GLRA1: variants seen among roughly 807,000 people sequenced by gnomAD.
The protein encoded by GLRA1 is glycine receptor alpha 1, also known as glycine receptor subunit alpha-1.
Under a neutral mutation model 48.3 loss-of-function variants are expected in GLRA1, and 37 were observed. The ratio of observed to expected loss-of-function variants is 0.77; its 90% CI spans 0.59 to 1.01. The LOEUF is 1.01. GLRA1 is among the 50% of genes least tolerant of loss of function. GLRA1 has a pLI of 0.00. For missense variants in GLRA1, 427 were observed against 571.0 expected, an observed-to-expected ratio of 0.75 and a Z score of 2.57; for synonymous variants, 196 against 210.7, an observed-to-expected ratio of 0.93 and a Z score of 0.60.
intron 3 of GLRA1, among the ~76,000 whole-genome samples, chr5:151,885,301 A>G (rs1753870999): frequency 6.6e-6 from 1 of 152,248 alleles, no homozygotes; most frequent in Non-Finnish European, 1.5e-5. Flanking sequence ...GGGTTCCCAC[A>G]GGAAATGAAA....
Position 151,924,827 on chromosome 5 carries a change from G to C in GLRA1, c.-278C>G. On this transcript the variant is annotated 5_prime_UTR_variant, in exon 1 of 9. Transcript: ENST00000274576. ...GTATTGCTGTTTGTTAAACTCCAGC[G>C]TGTCTGTTGGCTCCCTGCGGCGCTG... The C allele has an allele frequency of 1.8e-6, 1 of 545,664 alleles. No homozygotes were observed. The allele number at this position is 545,664 out of a possible 1,614,324, so 33.8% of individuals were successfully genotyped here.
intron 8 of GLRA1, among the ~76,000 whole-genome samples, chr5:151,823,684 T>C (rs1300119666): frequency 3.9e-5 from 6 of 152,200 alleles, no homozygotes; most frequent in Admixed American, 6.5e-5. Context: ...CCCTTCATCA[T>C]TTGGCTCCAA....
intron 8 of GLRA1, among the ~76,000 whole-genome samples, chr5:151,825,851 T>C (rs564394386): frequency 6.6e-6 from 1 of 152,338 alleles, no homozygotes; most frequent in East Asian, 1.9e-4. Context: ...ACTCACCATC[T>C]GGGACTTAAA....
chr5:151,892,729 G>C (rs1754110940), intron 1 of GLRA1, among the ~76,000 whole-genome samples: 1 of 152,164 alleles, frequency 6.6e-6, no homozygotes, highest in African/African-American at 2.4e-5. Context: ...TTGGCAGCTG[G>C]GTGTCCCTGG....
chr5:151,920,779 C>G (rs756172430), intron 1 of GLRA1, among the ~76,000 whole-genome samples: 11 of 152,128 alleles, frequency 7.2e-5, no homozygotes, highest in Admixed American at 6.5e-5. Context: ...CTCCTAGGCA[C>G]GTTCTGCAGT....
intron 1 of GLRA1, among the ~76,000 whole-genome samples, chr5:151,893,335 T>TCTTC (rs1754143162): frequency 1.3e-5 from 2 of 150,496 alleles, no homozygotes; most frequent in South Asian, 2.1e-4. Context: ...TTTCTTTCTT[T>TCTTC]CTTTCTTTCT....
intron 8 of GLRA1, among the ~76,000 whole-genome samples, chr5:151,828,021 G>A (rs950666732): frequency 3.3e-5 from 5 of 152,058 alleles, no homozygotes; most frequent in Non-Finnish European, 5.9e-5. Context: ...AACCAAACAC[G>A]GTCTCTGCCT....
chr5:151,842,344 CA>C (rs57227549), intron 7 of GLRA1, among the ~76,000 whole-genome samples: 197 of 139,940 alleles, frequency 1.4e-3, no homozygotes, highest in African/African-American at 2.6e-3. Context: ...TGAATACAGA[CA>C]AAAAAAAAAA....
intron 4 of GLRA1, among the ~76,000 whole-genome samples, chr5:151,859,192 A>G (rs907483210): frequency 1.3e-5 from 2 of 152,178 alleles, no homozygotes; most frequent in African/African-American, 4.8e-5. Flanking sequence ...GACATTGGTC[A>G]TTTTCCTTAT....
chr5:151,908,769 A>G (rs936503033), intron 1 of GLRA1, among the ~76,000 whole-genome samples: 3 of 152,212 alleles, frequency 2.0e-5, no homozygotes, highest in Non-Finnish European at 4.4e-5. Flanking sequence ...TGGGTAGAAG[A>G]ACTGAAAGGG....
Position 151,834,809 on chromosome 5 carries a change from T to G in GLRA1, c.913-5742A>C, listed in dbSNP as rs191833750. On this transcript the variant is annotated intron_variant, in intron 7 of 8. Transcript: ENST00000274576. ...TTGGGAGGCCAAGGTGGGTGGATCA[T>G]GAGGTCAAGAGATCAAGACCATCCT... 5.6e-3 allele frequency among the ~76,000 whole-genome samples: 848 copies of G among 151,672 alleles called. 12 individuals are homozygous for G. The highest frequency in any genetic ancestry group is 0.02 in the African/African-American group (819 of 41,310).
intron 1 of GLRA1, among the ~76,000 whole-genome samples, chr5:151,905,656 C>G (rs1255267297): frequency 6.6e-6 from 1 of 152,068 alleles, no homozygotes; most frequent in Non-Finnish European, 1.5e-5. Flanking sequence ...CCTTCCAACC[C>G]CCCAGGACCA....
At position 151,836,976 on chromosome 5, in the gene GLRA1, A is replaced by AAAC. The variant is rs549781077; in HGVS notation, c.913-7912_913-7910dup. ...TTAAACTAAAGAGCTTCTGCACAGC[A>AAAC]AACAACAACAACAACAACAAAAAAC... On this transcript the variant is annotated intron_variant, in intron 7 of 8. Transcript: ENST00000274576. Among the ~76,000 whole-genome samples the AAAC allele has an allele frequency of 8.7e-3, 1,320 of 152,206 alleles. 15 individuals are homozygous for AAAC. The highest frequency in any genetic ancestry group is 0.03 in the African/African-American group (1,261 of 41,550).
chr5:151,906,732 A>G (rs1754481375), intron 1 of GLRA1, among the ~76,000 whole-genome samples: 1 of 152,212 alleles, frequency 6.6e-6, no homozygotes, highest in South Asian at 2.1e-4. Flanking sequence ...TATCTATTGT[A>G]CAGATGAAGT....
chr5:151,853,444 CAG>C (rs1752959598), intron 6 of GLRA1, among the ~76,000 whole-genome samples: 1 of 147,948 alleles, frequency 6.8e-6, no homozygotes. Context: ...TCAGTAGAGA[CAG>C]GGTTTCACCA....
chr5:151,831,827 C>T lies in GLRA1; in HGVS notation c.913-2760G>A, dbSNP rs1180974267. Among the ~76,000 whole-genome samples the T allele has an allele frequency of 2.0e-5, 3 of 152,308 alleles. No homozygotes were observed. In the East Asian group the frequency reaches 5.8e-4, roughly 29 times the overall value. On this transcript the variant is annotated intron_variant, in intron 7 of 8. Transcript: ENST00000274576. ...AAGGGACAGACTGCCTCAAGTGGGTCCCTGACCCCTGTGCCTCCTGATGGA... is the reference window on the plus strand; with the variant it reads ...AAGGGACAGACTGCCTCAAGTGGGTTCCTGACCCCTGTGCCTCCTGATGGA...
At chr5:151,879,974 A>G (rs4331885) in intron 3 of GLRA1, among the ~76,000 whole-genome samples, 96,126 of 151,924 alleles carry the variant, frequency 0.63, 30,739 homozygotes, top group African/African-American at 0.71. Context: ...TAAGTCTCAC[A>G]AGATCTGATG....
chr5:151,834,318 AAC>A (rs1763510335), intron 7 of GLRA1, among the ~76,000 whole-genome samples: 1 of 152,228 alleles, frequency 6.6e-6, no homozygotes, highest in Admixed American at 6.5e-5. Flanking sequence ...AGGATTAAGA[AAC>A]TCACTCAAAA....
rs372914719 is a variant in GLRA1, at chr5:151,908,435, T to C, written c.57-15997A>G. 1.6e-4 allele frequency among the ~76,000 whole-genome samples: 25 copies of C among 152,290 alleles called. No individual in the cohort carries two copies. The East Asian group carries it at 4.4e-3, about 27-fold the overall frequency. Reference sequence around the variant, plus strand: ...TTCTGGTTTCTCTACCTTATTCCTTTTCCTTCATTTGTTTCTGAATCCTAG... The same window carrying C: ...TTCTGGTTTCTCTACCTTATTCCTTCTCCTTCATTTGTTTCTGAATCCTAG... On this transcript the variant is annotated intron_variant, in intron 1 of 8. Coordinates refer to ENST00000274576, the MANE Select transcript of GLRA1 (RefSeq NM_000171.4).
Sources: allele counts gnomAD v4.1 joint callset (sites outside exome capture counted in the v4.1 genomes callset), GRCh38; gene constraint gnomAD v4.1.1; transcripts MANE v1.5; gene names NCBI Gene and HGNC (gene_info 2026-07-23, HGNC 2026-07-21).